The following SPATA31C1 variants were observed in gnomAD, a reference collection of about 807,000 sequenced individuals.
SPATA31C1 encodes the protein spermatogenesis-associated protein 31C1.
chr9:87,922,122 G>T, exon 5 of SPATA31C1: 2 of 1,613,806 alleles, frequency 1.2e-6, no homozygotes, highest in South Asian at 2.2e-5. Context: ...GAGGCTTCAG[G>T]CCTCCTCACC....
At chr9:87,922,854 C>A in exon 5 of SPATA31C1, 1 of 1,606,238 alleles carries the variant, frequency 6.2e-7, no homozygotes, top group African/African-American at 1.3e-5. Context: ...ATTGAGGACT[C>A]CTCAACTTAC....
exon 5 of SPATA31C1, chr9:87,921,053 A>G: frequency 3.1e-6 from 5 of 1,611,482 alleles, no homozygotes; most frequent in Non-Finnish European, 4.2e-6. Context: ...AGAACACTGG[A>G]GTAGCTTGCC....
exon 5 of SPATA31C1, chr9:87,922,393 T>C (rs1325815811): frequency 1.2e-6 from 2 of 1,610,294 alleles, no homozygotes. Context: ...AGTGAGGATG[T>C]GCGTGGTTTC....
exon 5 of SPATA31C1, chr9:87,920,974 A>T: frequency 1.2e-6 from 2 of 1,612,976 alleles, no homozygotes; most frequent in Non-Finnish European, 1.7e-6. Flanking sequence ...CCTATGGCTC[A>T]GGCCGAGGCT....
chr9:87,920,523 G>A, exon 5 of SPATA31C1: 1 of 1,613,760 alleles, frequency 6.2e-7, no homozygotes, highest in East Asian at 2.2e-5. Flanking sequence ...CCTTCTCCTA[G>A]AACGCCCCTC....
At chr9:87,920,573 C>G (rs638565) in exon 5 of SPATA31C1, 11 of 1,613,510 alleles carry the variant, frequency 6.8e-6, no homozygotes, top group Non-Finnish European at 9.3e-6. Context: ...CACCACACAC[C>G]CCTGATCCTC....
In SPATA31C1 at chr9:87,915,634, G is replaced by C. The variant is rs542956057; in HGVS notation, n.189+924G>C. On this transcript the variant is annotated intron_variant and non_coding_transcript_variant, in intron 1 of 4. Transcript: ENST00000420021. Reference sequence around the variant, plus strand: ...TTTTTTTAATAAAGACATGAGGTTAGATTGAGGTTATTGTTTTGTCTATGG... The same window carrying C: ...TTTTTTTAATAAAGACATGAGGTTACATTGAGGTTATTGTTTTGTCTATGG... Among the ~76,000 whole-genome samples the C allele has an allele frequency of 3.0e-4, 44 of 144,772 alleles. 5 individuals are homozygous for C. The highest frequency in any genetic ancestry group is 1.1e-3 in the African/African-American group (42 of 39,832). 95.0% of individuals were successfully genotyped at this position (144,772 alleles called of 152,430 possible). A position where few individuals can be genotyped will look rare whatever the true frequency, so the allele number is the denominator to read the frequency against.
At chr9:87,921,844 T>G (rs772857904) in exon 5 of SPATA31C1, 1 of 1,608,606 alleles carries the variant, frequency 6.2e-7, no homozygotes, top group South Asian at 1.1e-5. Context: ...TTCCTTGAGC[T>G]GTGTACTCAG....
exon 5 of SPATA31C1, chr9:87,921,576 C>A: frequency 5.6e-6 from 9 of 1,611,990 alleles, no homozygotes; most frequent in Non-Finnish European, 7.6e-6. Flanking sequence ...AGAAAGGAAC[C>A]TGAGGAAGCC....
chr9:87,916,245 C>G (rs902803532), intron 1 of SPATA31C1, among the ~76,000 whole-genome samples: 8 of 129,962 alleles, frequency 6.2e-5, no homozygotes, highest in African/African-American at 2.1e-4. Flanking sequence ...GAGGAAGACT[C>G]CATCTCAAAA....
exon 5 of SPATA31C1, chr9:87,922,963 T>C (rs746425496): frequency 3.8e-6 from 5 of 1,310,042 alleles, no homozygotes; most frequent in Non-Finnish European, 1.1e-6. Context: ...GGAGAAAACA[T>C]CAAGCAATTT....
rs539994715 is a variant in SPATA31C1 at position 87,920,395 on chromosome 9, C to A, written n.785C>A. Reference sequence around the variant, plus strand: ...GAAGATGCTGCTCCCATTGTCTCCCCGTTAGCTTCCCCGGATCCTCGAACC... The same window carrying A: ...GAAGATGCTGCTCCCATTGTCTCCCAGTTAGCTTCCCCGGATCCTCGAACC... On this transcript the variant is annotated non_coding_transcript_exon_variant, in exon 5 of 5. Transcript: ENST00000420021. The A allele has an allele frequency of 2.5e-6, 4 of 1,613,958 alleles. No individual in the cohort carries two copies. The South Asian group carries it at 3.3e-5, about 13-fold the overall frequency.
At chr9:87,923,369 C>G (rs766555428) in exon 5 of SPATA31C1, 24 of 1,602,420 alleles carry the variant, frequency 1.5e-5, no homozygotes, top group Non-Finnish European at 2.0e-5. Flanking sequence ...AGCAATGGGG[C>G]CTGCGACATC....
chr9:87,915,997 G>T (rs1291623636), intron 1 of SPATA31C1, among the ~76,000 whole-genome samples: 1 of 141,998 alleles, frequency 7.0e-6, no homozygotes, highest in Admixed American at 7.0e-5. Context: ...CTGCAATAGG[G>T]TCTTGCAGTA....
exon 5 of SPATA31C1, chr9:87,922,595 T>G (rs780838342): frequency 6.2e-7 from 1 of 1,609,298 alleles, no homozygotes; most frequent in Non-Finnish European, 8.5e-7. Context: ...TTGTGCCCCA[T>G]GCTTCAGAGA....
intron 1 of SPATA31C1, among the ~76,000 whole-genome samples, chr9:87,915,322 TTTTA>T (rs1237565182): frequency 2.9e-5 from 4 of 138,232 alleles, no homozygotes; most frequent in African/African-American, 5.3e-5. Flanking sequence ...TGTGTGTTAT[TTTTA>T]TTTATTTTGT....
At chr9:87,919,183 A>T in intron 2 of SPATA31C1, 72 bp from the exon 2 acceptor site, 1 of 1,590,852 alleles carries the variant, frequency 6.3e-7, no homozygotes, top group Non-Finnish European at 8.6e-7. Flanking sequence ...GCGGTTCATG[A>T]GTGCAGCGTG....
chr9:87,922,519 C>T (rs769119157), exon 5 of SPATA31C1: 49 of 1,610,714 alleles, frequency 3.0e-5, no homozygotes, highest in Middle Eastern at 3.4e-4. Context: ...GGAATGGCCA[C>T]GAAGTCAGAG....
exon 5 of SPATA31C1, chr9:87,923,257 CAGCCAGCAGTCAACA>C (rs1423792758): frequency 6.2e-7 from 1 of 1,603,470 alleles, no homozygotes; most frequent in Non-Finnish European, 8.5e-7. Flanking sequence ...CTGAGCTATG[CAGCCAGCAGTCAACA>C]AGCCACTCTC....
Sources: allele counts gnomAD v4.1 joint callset (sites outside exome capture counted in the v4.1 genomes callset), GRCh38; gene constraint gnomAD v4.1.1; transcripts MANE v1.5; gene names NCBI Gene and HGNC (gene_info 2026-07-23, HGNC 2026-07-21).